NDST3: variants seen among roughly 807,000 people sequenced by gnomAD.
NDST3 encodes the protein bifunctional heparan sulfate N-deacetylase/N-sulfotransferase 3.
A neutral mutation model predicts 96.1 loss-of-function variants in NDST3; 58 were observed. That is an observed-to-expected ratio of 0.60 (90% CI 0.49 to 0.75). The LOEUF (loss-of-function observed/expected upper bound fraction) is 0.75, where lower values mean the gene tolerates loss of function less well. Among genes scored for constraint, NDST3 ranks in the 30% least tolerant of loss-of-function variants. The pLI is 0.00. For synonymous variants in NDST3, 333 were observed against 359.7 expected (o/e 0.93, Z 0.84); for missense variants, 788 against 1,034.2 (o/e 0.76, Z 3.27).
intron 2 of NDST3, among the ~76,000 whole-genome samples, chr4:118,092,325 C>T (rs1015503896): frequency 1.3e-5 from 2 of 151,502 alleles, no homozygotes; most frequent in African/African-American, 2.4e-5. Flanking sequence ...GCCCAGGAAA[C>T]TTCCCTCTAA....
chr4:118,161,015 T>C (rs1165445051), intron 6 of NDST3, among the ~76,000 whole-genome samples: 2 of 152,124 alleles, frequency 1.3e-5, no homozygotes, highest in Non-Finnish European at 2.9e-5. Flanking sequence ...CTACTTTTGG[T>C]CTTTGATGAT....
At chr4:118,143,135 T>G (rs1406075775) in intron 5 of NDST3, among the ~76,000 whole-genome samples, 1 of 152,194 alleles carries the variant, frequency 6.6e-6, no homozygotes, top group Non-Finnish European at 1.5e-5. Context: ...TTCTAATGCA[T>G]GGCAGAATTT....
chr4:118,090,777 G>A (rs1002765032), intron 2 of NDST3, among the ~76,000 whole-genome samples: 2 of 151,804 alleles, frequency 1.3e-5, no homozygotes, highest in African/African-American at 4.8e-5. Context: ...TCATGAGCTG[G>A]TCTCAGTATT....
chr4:118,124,572 C>CT (rs1401012104), intron 4 of NDST3, among the ~76,000 whole-genome samples: 1 of 152,026 alleles, frequency 6.6e-6, no homozygotes, highest in African/African-American at 2.4e-5. Context: ...GGACTCAAAT[C>CT]TGTGTTCTCC....
At chr4:118,238,476 G>T (rs891680932) in intron 10 of NDST3, among the ~76,000 whole-genome samples, 11 of 152,236 alleles carry the variant, frequency 7.2e-5, no homozygotes, top group Admixed American at 5.2e-4. Flanking sequence ...AGTTGGAAGG[G>T]TTTAATATGA....
chr4:118,117,800 G>A (rs1022647981), intron 4 of NDST3, among the ~76,000 whole-genome samples: 1 of 152,248 alleles, frequency 6.6e-6, no homozygotes. Flanking sequence ...GCCCCCTGCC[G>A]AGGCTTCCTC....
intron 6 of NDST3, among the ~76,000 whole-genome samples, chr4:118,176,257 T>TA (rs1320998989): frequency 2.6e-5 from 4 of 151,362 alleles, no homozygotes; most frequent in African/African-American, 4.8e-5. Context: ...ACTTAAAATT[T>TA]AAAAAAAAAC....
At chr4:118,100,616 C>T (rs570130595) in intron 2 of NDST3, among the ~76,000 whole-genome samples, 14 of 152,160 alleles carry the variant, frequency 9.2e-5, no homozygotes, top group South Asian at 6.2e-4. Context: ...TCCTTGTCTT[C>T]GTTTCTGGAA....
chr4:118,158,876 G>A (rs1734889820), intron 6 of NDST3, among the ~76,000 whole-genome samples: 1 of 152,094 alleles, frequency 6.6e-6, no homozygotes, highest in African/African-American at 2.4e-5. Context: ...GTCATCAACT[G>A]AACAACAATA....
At chr4:118,229,928 T>C (rs1007706570) in intron 8 of NDST3, among the ~76,000 whole-genome samples, 7 of 152,198 alleles carry the variant, frequency 4.6e-5, no homozygotes, top group Admixed American at 3.3e-4. Flanking sequence ...GCCTTTTAAA[T>C]ATTGAGATAT....
At chr4:118,202,903 G>T (rs896576373) in intron 6 of NDST3, among the ~76,000 whole-genome samples, 15 of 152,128 alleles carry the variant, frequency 9.9e-5, no homozygotes, top group Non-Finnish European at 1.9e-4. Context: ...TTCTCAAAGG[G>T]AATGCTTCAA....
chr4:118,088,039 A>G (rs1473024655), intron 2 of NDST3, among the ~76,000 whole-genome samples: 7 of 152,028 alleles, frequency 4.6e-5, no homozygotes, highest in African/African-American at 1.4e-4. Flanking sequence ...CTTTATTCAG[A>G]TGAAGCTGAA....
intron 4 of NDST3, among the ~76,000 whole-genome samples, chr4:118,123,119 T>C (rs1233339341): frequency 1.3e-5 from 2 of 152,224 alleles, no homozygotes; most frequent in African/African-American, 2.4e-5. Flanking sequence ...AATGTTTTTC[T>C]CCTAAAGAGC....
At chr4:118,075,155 G>T (rs1244097031) in intron 2 of NDST3, among the ~76,000 whole-genome samples, 2 of 151,654 alleles carry the variant, frequency 1.3e-5, no homozygotes, top group African/African-American at 2.4e-5. Flanking sequence ...TGCGGTGTTT[G>T]GTTTTCTGTC....
intron 6 of NDST3, among the ~76,000 whole-genome samples, chr4:118,167,958 C>A (rs138077770): frequency 6.6e-6 from 1 of 151,688 alleles, no homozygotes; most frequent in Non-Finnish European, 1.5e-5. Flanking sequence ...GTAAAATATT[C>A]CAATAAAAAC....
At chr4:118,251,217 C>T (rs1196007514) in intron 12 of NDST3, among the ~76,000 whole-genome samples, 1 of 147,708 alleles carries the variant, frequency 6.8e-6, no homozygotes, top group Non-Finnish European at 1.5e-5. Context: ...AGCTCCGCCT[C>T]CCGGGTTCAC....
At chr4:118,051,957 G>A (rs368486913) in intron 1 of NDST3, among the ~76,000 whole-genome samples, 5 of 152,086 alleles carry the variant, frequency 3.3e-5, no homozygotes, top group Admixed American at 3.3e-4. Flanking sequence ...AAATTCAGCC[G>A]CTATGGAAAG....
chr4:118,110,028 A>C (rs1390147869), intron 3 of NDST3, among the ~76,000 whole-genome samples: 1 of 152,162 alleles, frequency 6.6e-6, no homozygotes, highest in Admixed American at 6.5e-5. Context: ...AGAACGTGTT[A>C]ACTTGTTTTC....
intron 4 of NDST3, among the ~76,000 whole-genome samples, chr4:118,118,596 T>C (rs1731301386): frequency 6.6e-6 from 1 of 152,342 alleles, no homozygotes; most frequent in East Asian, 1.9e-4. Flanking sequence ...TAACAGTTTA[T>C]TATGAAAGGT....
Sources: allele counts gnomAD v4.1 joint callset (sites outside exome capture counted in the v4.1 genomes callset), GRCh38; gene constraint gnomAD v4.1.1; transcripts MANE v1.5; gene names NCBI Gene and HGNC (gene_info 2026-07-23, HGNC 2026-07-21).